The following DUXB variants were observed in gnomAD, a reference collection of about 807,000 sequenced individuals.
DUXB encodes double homeobox B, also known as double homeobox protein B.
DUXB carries 22 observed loss-of-function variants against 8.9 expected under a neutral mutation model. The observed-to-expected ratio is 2.46, with a 90% confidence interval of 1.76 to 3.52. The LOEUF (loss-of-function observed/expected upper bound fraction) is 3.52, where lower values mean the gene tolerates loss of function less well. Ranked by LOEUF, DUXB falls within the 30% of genes most tolerant of loss-of-function variation. The probability of loss-of-function intolerance (pLI) is 0.00; values close to 1 mark genes in which losing one functional copy is unlikely to be tolerated. For missense variants in DUXB, 237 were observed against 108.7 expected (o/e 2.18, Z -5.25); for synonymous variants, 84 against 37.6 (o/e 2.23, Z -4.52).
chr16:75,700,802 C>T (rs933784499), intron 1 of DUXB, among the ~76,000 whole-genome samples: 3 of 151,948 alleles, frequency 2.0e-5, no homozygotes, highest in African/African-American at 4.8e-5. Flanking sequence ...CCACCGCACC[C>T]GTACTGTTAA....
At chr16:75,698,310 A>G (rs1489751887) in intron 2 of DUXB, among the ~76,000 whole-genome samples, 1 of 152,172 alleles carries the variant, frequency 6.6e-6, no homozygotes, top group Non-Finnish European at 1.5e-5. Flanking sequence ...CACATCCAGT[A>G]TAGATACATG....
In DUXB at chr16:75,700,065, C is replaced by A; in HGVS notation, c.130G>T (p.Ala44Ser). 1.4e-6 allele frequency: 1 copy of A among 702,362 alleles called. No individual in the cohort carries two copies. The highest frequency in any genetic ancestry group is 2.6e-6 in the Non-Finnish European group (1 of 384,828). The allele number at this position is 702,362 out of a possible 1,614,324, so 43.5% of individuals were successfully genotyped here. ...FQHDPFPDKAAREQLAKEIGV... is the reference protein window; with the variant it reads ...FQHDPFPDKASREQLAKEIGV... ...ATTTCTTTGGCCAGTTGTTCTCTGG[C>A]AGCTTTATCAGGGAAAGGGTCATGT... Residue 44 changes from alanine to serine, a missense_variant, in exon 2 of 5, where the codon GCC becomes TCC. Coordinates refer to ENST00000633875, the MANE Select transcript of DUXB (RefSeq NM_001351307.2).
intron 4 of DUXB, 101 bp from the exon 5 acceptor site, chr16:75,694,626 A>C: frequency 1.5e-6 from 1 of 657,940 alleles, no homozygotes; most frequent in Non-Finnish European, 2.7e-6. Context: ...CTAAGGACAA[A>C]TCACAGGGTG....
At chr16:75,695,730 A>G (rs541111461) in intron 4 of DUXB, among the ~76,000 whole-genome samples, 1 of 152,152 alleles carries the variant, frequency 6.6e-6, no homozygotes, top group Non-Finnish European at 1.5e-5. Flanking sequence ...AAATCTAACA[A>G]TGTTCTCAAA....
chr16:75,700,775 G>C (rs1157457096), intron 1 of DUXB, among the ~76,000 whole-genome samples: 2 of 151,998 alleles, frequency 1.3e-5, no homozygotes, highest in Non-Finnish European at 2.9e-5. Context: ...CCAAAGTGCT[G>C]GGATTACAGG....
rs2082584464 is a variant in DUXB, at chr16:75,694,148, A to G, written c.819T>C (p.Thr273=). The part of the protein sequence containing the change: ...PILTKDLDTP[T]PFWLQYQEEH... Reference sequence around the variant, plus strand: ...CTTCTTGGTATTGGAGCCAGAAGGGAGTCGGAGTATCTAAGTCCTTTGTCA... The same window carrying G: ...CTTCTTGGTATTGGAGCCAGAAGGGGGTCGGAGTATCTAAGTCCTTTGTCA... The change falls in exon 5 of 5, where the codon ACT becomes ACC. Residue 273 remains threonine, a synonymous_variant. Coordinates refer to ENST00000633875, the MANE Select transcript of DUXB (RefSeq NM_001351307.2). The G allele has an allele frequency of 2.3e-6, 1 of 441,810 alleles. No individual in the cohort carries two copies. Among genetic ancestry groups the G allele is most frequent in the Non-Finnish European group, 3.9e-6 (1 of 253,780 alleles). The allele number at this position is 441,810 out of a possible 1,614,324, so 27.4% of individuals were successfully genotyped here.
intron 2 of DUXB, 116 bp downstream of exon 2, chr16:75,699,899 T>A (rs1304555663): frequency 1.6e-5 from 8 of 514,946 alleles, no homozygotes; most frequent in Non-Finnish European, 2.7e-5. Flanking sequence ...CAGGAAAACG[T>A]TTCTTAGCAA....
Position 75,694,133 on chromosome 16 carries a change from T to C in DUXB, c.834A>G (p.Gln278=), listed in dbSNP as rs138025701. The stretch of plus-strand genomic sequence containing the variant: ...TGTGATTTTGGTGTTCTTCTTGGTA[T>C]TGGAGCCAGAAGGGAGTCGGAGTAT... ...DLDTPTPFWL[Q]YQEEHQNHKE... The change falls in exon 5 of 5, where the codon CAA becomes CAG. Residue 278 remains glutamine (Q), a synonymous_variant. Coordinates refer to ENST00000633875, the MANE Select transcript of DUXB (RefSeq NM_001351307.2). 1,261 of 430,766 alleles carry C rather than the reference T, an allele frequency of 2.9e-3. 6 individuals carry two copies. Among genetic ancestry groups the C allele is most frequent in the Non-Finnish European group, 2.8e-3 (691 of 246,972 alleles). 26.7% of individuals were successfully genotyped at this position (430,766 alleles called of 1,614,324 possible).
intron 1 of DUXB, among the ~76,000 whole-genome samples, chr16:75,700,887 T>C (rs911826288): frequency 6.6e-6 from 1 of 152,070 alleles, no homozygotes; most frequent in African/African-American, 2.4e-5. Flanking sequence ...TTTAAATATA[T>C]ATATTAGAAA....
Position 75,696,038 on chromosome 16 carries a change from C to T in DUXB, c.364G>A (p.Glu122Lys), listed in dbSNP as rs1340458854. 1 of 703,034 alleles carries T rather than the reference C, an allele frequency of 1.4e-6. No homozygotes were observed. 43.5% of individuals were successfully genotyped at this position (703,034 alleles called of 1,614,324 possible). A position where few individuals can be genotyped will look rare whatever the true frequency, so the allele number is the denominator to read the frequency against. The change falls in exon 4 of 5, where the codon GAG (glutamate) becomes AAG (lysine). Residue 122 changes from glutamate to lysine, a missense_variant. Glu to Lys is a moderately conservative substitution (Grantham distance 56, BLOSUM62 1). Coordinates refer to ENST00000633875, the MANE Select transcript of DUXB (RefSeq NM_001351307.2). ...GCAATATCAGGGAATGGGTTCCTCT[C>T]AAAGGCTTGCACTAGCCTGTTTTTT... ...TQKNRLVQAF[E>K]RNPFPDIATR... is the part of the protein sequence containing the mutation.
rs2082604074 is a variant in DUXB at position 75,696,066 on chromosome 16, A to G, written c.336T>C (p.Thr112=). The change falls in exon 4 of 5, where the codon ACT becomes ACC. Residue 112 remains threonine (T), a synonymous_variant. Coordinates refer to ENST00000633875, the MANE Select transcript of DUXB (RefSeq NM_001351307.2). ...AGGCTTGCACTAGCCTGTTTTTTTG[A>G]GTCCATGTGATGAATGTCTGTTTTT... The part of the protein sequence containing the change: ...ARQKQTFITW[T]QKNRLVQAFE... The G allele has an allele frequency of 2.8e-6, 2 of 702,970 alleles. No homozygotes were observed. Among genetic ancestry groups the G allele is most frequent in the Non-Finnish European group, 5.2e-6 (2 of 384,986 alleles). 43.5% of individuals were successfully genotyped at this position (702,970 alleles called of 1,614,324 possible).
At chr16:75,695,258 G>A (rs2082596272) in intron 4 of DUXB, among the ~76,000 whole-genome samples, 1 of 152,168 alleles carries the variant, frequency 6.6e-6, no homozygotes, top group Admixed American at 6.5e-5. Context: ...CCCTCTAACT[G>A]CAACAATGGA....
chr16:75,699,331 G>GTAAT (rs981435548), intron 2 of DUXB, among the ~76,000 whole-genome samples: 1 of 152,072 alleles, frequency 6.6e-6, no homozygotes, highest in African/African-American at 2.4e-5. Context: ...CAGTTTCCTT[G>GTAAT]TAATTACATA....
intron 3 of DUXB, 115 bp from the exon 4 acceptor site, chr16:75,696,230 AG>A (rs1038909900): frequency 1.6e-5 from 10 of 631,272 alleles, no homozygotes; most frequent in Non-Finnish European, 2.5e-5. Flanking sequence ...GTGGCAGAAG[AG>A]GTCATTGCTC....
intron 4 of DUXB, among the ~76,000 whole-genome samples, chr16:75,695,218 T>G (rs1181406837): frequency 6.6e-6 from 1 of 152,232 alleles, no homozygotes; most frequent in Non-Finnish European, 1.5e-5. Context: ...GTTGAATCTC[T>G]GACTGGAAAG....
At position 75,695,833 on chromosome 16, in the gene DUXB, G is replaced by A. The variant is rs140962770; in HGVS notation, c.441+128C>T. ...AAAAACGGGACTTTCAGTGCCAGGCGTTTACCATCCCCCGTTTCCGCCCTT... is the reference window on the plus strand; with the variant it reads ...AAAAACGGGACTTTCAGTGCCAGGCATTTACCATCCCCCGTTTCCGCCCTT... On this transcript the variant is annotated intron_variant, in intron 4 of 4. Transcript: ENST00000633875. The A allele has an allele frequency of 1.5e-4, 89 of 609,158 alleles. No individual in the cohort carries two copies. The Admixed American group carries it at 2.0e-3, about 14-fold the overall frequency. The allele number at this position is 609,158 out of a possible 1,614,324, so 37.7% of individuals were successfully genotyped here.
chr16:75,701,036 T>A (rs1041830664), intron 1 of DUXB, among the ~76,000 whole-genome samples: 4 of 152,010 alleles, frequency 2.6e-5, no homozygotes, highest in Admixed American at 2.6e-4. Flanking sequence ...ATTGAACAGG[T>A]GAAATAAGAC....
chr16:75,696,796 G>T, intron 3 of DUXB, 42 bp downstream of exon 3: 1 of 683,536 alleles, frequency 1.5e-6, no homozygotes, highest in South Asian at 1.6e-5. Flanking sequence ...TGCAGAATTT[G>T]GGCACAACGT....
intron 4 of DUXB, among the ~76,000 whole-genome samples, chr16:75,694,976 T>G (rs1435739202): frequency 6.6e-6 from 1 of 152,218 alleles, no homozygotes; most frequent in African/African-American, 2.4e-5. Context: ...TGACTGTATA[T>G]GAAATCATGT....
Sources: gnomAD v4.1 joint callset for allele counts (sites outside exome capture counted in the v4.1 genomes callset) on GRCh38, gnomAD v4.1.1 for gene constraint, MANE v1.5 for transcripts, NCBI Gene and HGNC (gene_info 2026-07-23, HGNC 2026-07-21) for gene names.